The following TTC23L variants were observed in gnomAD, a reference collection of about 807,000 sequenced individuals.
TTC23L encodes tetratricopeptide repeat protein 23-like.
A neutral mutation model predicts 48.1 loss-of-function variants in TTC23L; 42 were observed. That is an observed-to-expected ratio of 0.87 (90% CI 0.68 to 1.13). The LOEUF is 1.13. Among genes scored for constraint, TTC23L ranks in the 50% most tolerant of loss-of-function variants. The pLI, the probability that TTC23L is intolerant of heterozygous loss-of-function variation, is 0.00. For missense variants in TTC23L, 391 were observed against 421.0 expected (o/e 0.93, Z 0.62); for synonymous variants, 159 against 157.2 (o/e 1.01, Z -0.09).
chr5:34,889,967 T>C (rs183255370), intron 9 of TTC23L, among the ~76,000 whole-genome samples: 235 of 151,882 alleles, frequency 1.5e-3, no homozygotes, highest in African/African-American at 5.5e-3. Flanking sequence ...GCCTCCCGAG[T>C]AGCTGGGACT....
At chr5:34,912,663 T>G in the TTC23L span, among the ~76,000 whole-genome samples, 143 of 152,270 alleles carry the variant, frequency 9.4e-4, 2 homozygotes, top group East Asian at 0.022. Context: ...TTCACCATTC[T>G]TAAAAATTCC....
At chr5:34,854,346 AT>A (rs964687526) in intron 4 of TTC23L, among the ~76,000 whole-genome samples, 3 of 151,532 alleles carry the variant, frequency 2.0e-5, no homozygotes, top group Admixed American at 6.6e-5. Context: ...ACCAGCCTAG[AT>A]TTTTTTTTAG....
At chr5:34,909,227 A>G in the TTC23L span, 1 of 1,463,506 alleles carries the variant, frequency 6.8e-7, no homozygotes, top group Non-Finnish European at 9.4e-7. Flanking sequence ...CCTCTTTATC[A>G]CCAATGACAA....
intron 9 of TTC23L, among the ~76,000 whole-genome samples, chr5:34,884,533 C>T (rs1424114322): frequency 6.6e-6 from 1 of 151,860 alleles, no homozygotes; most frequent in Non-Finnish European, 1.5e-5. Flanking sequence ...TACACACACA[C>T]ACACACACAC....
chr5:34,887,462 T>G (rs978259334), intron 9 of TTC23L, among the ~76,000 whole-genome samples: 3 of 151,794 alleles, frequency 2.0e-5, no homozygotes, highest in Non-Finnish European at 2.9e-5. Context: ...ATGAAGACTC[T>G]TAACATGGAG....
intron 4 of TTC23L, among the ~76,000 whole-genome samples, chr5:34,859,670 T>G (rs755526240): frequency 2.6e-5 from 4 of 152,164 alleles, no homozygotes; most frequent in Non-Finnish European, 5.9e-5. Context: ...CGTCTTCATC[T>G]TAGACTTTTC....
rs1241792091 is a variant in TTC23L, at chr5:34,840,722, G to C, written c.51G>C (p.Trp17Cys). The C allele has an allele frequency of 8.1e-6, 13 of 1,613,822 alleles. No individual in the cohort carries two copies. The highest frequency in any genetic ancestry group is 1.0e-5 in the Non-Finnish European group (12 of 1,179,842). The change falls in exon 2 of 11, where the codon TGG becomes TGC. Residue 17 changes from tryptophan (W) to cysteine (C), a missense_variant. Physicochemically the swap from Trp to Cys is radical, Grantham distance 215 (BLOSUM62 -2). Transcript: ENST00000505624. ...CAACTGTTAGCAATGACATCGACTG[G>C]GATTTCTGCTTCCATATGTAAGTAT... is the stretch of plus-strand genomic sequence containing the variant.
chr5:34,857,041 G>T (rs537694262), intron 4 of TTC23L, among the ~76,000 whole-genome samples: 1 of 152,344 alleles, frequency 6.6e-6, no homozygotes, highest in Admixed American at 6.5e-5. Context: ...TGGAGTAATT[G>T]ATGGAATGGG....
chr5:34,890,088 C>T (rs1297148643), intron 9 of TTC23L, among the ~76,000 whole-genome samples: 3 of 151,992 alleles, frequency 2.0e-5, no homozygotes. Flanking sequence ...CCACCCGCCT[C>T]AGCCTCCCTA....
At chr5:34,879,650 T>C (rs1221045412) in intron 8 of TTC23L, among the ~76,000 whole-genome samples, 1 of 152,116 alleles carries the variant, frequency 6.6e-6, no homozygotes, top group Non-Finnish European at 1.5e-5. Context: ...CTACAAAAAA[T>C]TCCATGGATT....
the TTC23L span, chr5:34,906,227 G>T: frequency 6.6e-6 from 1 of 152,006 alleles, no homozygotes; most frequent in Non-Finnish European, 1.5e-5. Context: ...AAAATGCTGG[G>T]ATTACAGGTG....
At position 34,879,235 on chromosome 5, in the gene TTC23L, G is replaced by A. The variant is rs551062388; in HGVS notation, c.950-946G>A. On this transcript the variant is annotated intron_variant, in intron 8 of 10. Coordinates refer to ENST00000505624, the Ensembl canonical transcript of TTC23L. Reference sequence around the variant, plus strand: ...TGAGAAATTAATGAGTACAATGTATGTTATTTGGGTTATGGATACTCTAAA... The same window carrying A: ...TGAGAAATTAATGAGTACAATGTATATTATTTGGGTTATGGATACTCTAAA... Among the ~76,000 whole-genome samples, 49 of 152,218 alleles carry A rather than the reference G, an allele frequency of 3.2e-4. No individual in the cohort carries two copies. The East Asian group carries it at 9.3e-3, about 29-fold the overall frequency.
intron 4 of TTC23L, among the ~76,000 whole-genome samples, chr5:34,857,461 A>G (rs918927814): frequency 6.6e-6 from 1 of 152,240 alleles, no homozygotes; most frequent in East Asian, 1.9e-4. Flanking sequence ...AAAAACTGGT[A>G]CAGAAACAAC....
downstream of TTC23L, chr5:34,902,367 G>T: frequency 2.8e-6 from 1 of 361,510 alleles, no homozygotes; most frequent in Admixed American, 2.9e-5. Context: ...AGTGAGCCAA[G>T]ATTGTGCCAT....
At chr5:34,841,967 T>G (rs914488967) in intron 2 of TTC23L, among the ~76,000 whole-genome samples, 3 of 152,230 alleles carry the variant, frequency 2.0e-5, no homozygotes, top group Non-Finnish European at 4.4e-5. Context: ...TAGATGCCAG[T>G]AGCACTAGCT....
intron 8 of TTC23L, among the ~76,000 whole-genome samples, chr5:34,877,509 T>C (rs1433251060): frequency 6.6e-6 from 1 of 152,034 alleles, no homozygotes; most frequent in Non-Finnish European, 1.5e-5. Context: ...CTGCAATCTC[T>C]GCCTTCTGGG....
chr5:34,870,260 A>G (rs1459597723), intron 8 of TTC23L, among the ~76,000 whole-genome samples: 1 of 152,162 alleles, frequency 6.6e-6, no homozygotes, highest in Non-Finnish European at 1.5e-5. Context: ...CTGGAAAACA[A>G]ATACTAAAAT....
chr5:34,914,553 T>C, the TTC23L span: 3 of 761,032 alleles, frequency 3.9e-6, no homozygotes, highest in South Asian at 3.9e-5. Flanking sequence ...TTAAGACTAT[T>C]ATTTATTTAT....
At chr5:34,914,396 A>G in the TTC23L span, 2 of 364,830 alleles carry the variant, frequency 5.5e-6, no homozygotes, top group East Asian at 1.2e-4. Flanking sequence ...TAAATAAGTT[A>G]AACAATAAGA....
Sources: gnomAD v4.1 joint callset for allele counts (sites outside exome capture counted in the v4.1 genomes callset) on GRCh38, gnomAD v4.1.1 for gene constraint, MANE v1.5 for transcripts, NCBI Gene and HGNC (gene_info 2026-07-23, HGNC 2026-07-21) for gene names.